HDAC9: variants seen among roughly 807,000 people sequenced by gnomAD.
The protein encoded by HDAC9 is histone deacetylase 9.
In HDAC9, 41 loss-of-function variants were observed where a neutral mutation model predicts 139.4. The ratio of observed to expected loss-of-function variants is 0.29; its 90% confidence interval spans 0.23 to 0.38. HDAC9 has a LOEUF of 0.38. Ranked by LOEUF, HDAC9 falls within the 10% of genes least tolerant of loss-of-function variation. The probability of loss-of-function intolerance (pLI) is 1.00; values close to 1 mark genes in which losing one functional copy is unlikely to be tolerated. For missense variants in HDAC9, 1,147 were observed against 1,297.0 expected, an observed-to-expected ratio of 0.88 and a Z score of 1.78; for synonymous variants, 517 against 476.2, an observed-to-expected ratio of 1.09 and a Z score of -1.12.
intron 17 of HDAC9, among the ~76,000 whole-genome samples, chr7:18,827,350 G>T (rs2129204579): frequency 6.6e-6 from 1 of 151,958 alleles, no homozygotes; most frequent in South Asian, 2.1e-4. Context: ...GCACCCTTAA[G>T]GCAGAAATTT....
At position 18,956,069 on chromosome 7, in the gene HDAC9, G is replaced by C. The variant is rs537434260; in HGVS notation, c.3022+1839G>C. 2.0e-5 allele frequency among the ~76,000 whole-genome samples: 3 copies of C among 152,124 alleles called. No individual in the cohort carries two copies. In the South Asian group the frequency reaches 6.2e-4, roughly 32 times the overall value. On this transcript the variant is annotated intron_variant, in intron 24 of 25. Coordinates refer to ENST00000686413, the MANE Select transcript of HDAC9 (RefSeq NM_178425.4). ...GACCTCTACAGTCTGCTCTAGCCAA[G>C]CAAACCTGTTTGACTCTTGAAAAAG...
chr7:18,824,590 T>C (rs1007233202), intron 17 of HDAC9, among the ~76,000 whole-genome samples: 6 of 152,186 alleles, frequency 3.9e-5, no homozygotes, highest in Non-Finnish European at 7.4e-5. Context: ...TTGGTAATTA[T>C]AGGGTCTAGG....
intron 2 of HDAC9, among the ~76,000 whole-genome samples, chr7:18,503,188 G>C (rs969363810): frequency 2.6e-5 from 4 of 152,222 alleles, no homozygotes; most frequent in African/African-American, 9.6e-5. Flanking sequence ...TCAAATGAGT[G>C]TTGGCTGTGC....
At chr7:18,871,866 G>C (rs1373043884) in intron 21 of HDAC9, among the ~76,000 whole-genome samples, 1 of 152,126 alleles carries the variant, frequency 6.6e-6, no homozygotes, top group East Asian at 1.9e-4. Context: ...TCAGAGAGGA[G>C]AACAAGAGTT....
At chr7:18,486,458 A>G (rs1795985262) in intron 1 of HDAC9, among the ~76,000 whole-genome samples, 2 of 152,114 alleles carry the variant, frequency 1.3e-5, no homozygotes, top group African/African-American at 4.8e-5. Context: ...CTCGATGACA[A>G]TGTAAGGTGG....
At chr7:18,416,569 T>A (rs929823694) in intron 1 of HDAC9, among the ~76,000 whole-genome samples, 1 of 152,178 alleles carries the variant, frequency 6.6e-6, no homozygotes, top group Non-Finnish European at 1.5e-5. Flanking sequence ...TGCCAAATAT[T>A]TAATGTCTAT....
chr7:18,767,043 C>T (rs903269416), intron 15 of HDAC9, 63 bp from the exon 16 acceptor site: 2 of 764,194 alleles, frequency 2.6e-6, no homozygotes, highest in Admixed American at 3.4e-5. Flanking sequence ...TAATAAATGC[C>T]AACATTTTAA....
rs189098722 is a variant in HDAC9, at chr7:18,490,358, G to A, written c.-41-5904G>A. Among the ~76,000 whole-genome samples, 1,273 of 151,972 alleles carry A rather than the reference G, an allele frequency of 8.4e-3. 17 individuals are homozygous for A. Among genetic ancestry groups the A allele is most frequent in the African/African-American group, 0.029 (1,209 of 41,446 alleles). ...TCCTCTAAAAATAGAATAAATCTTG[G>A]CTCAACACATCCCATTTGAAGGGAA... On this transcript the variant is annotated intron_variant, in intron 1 of 3. Coordinates refer to the HDAC9 transcript ENST00000413509.
At chr7:18,891,822 G>A (rs1800706242) in intron 22 of HDAC9, among the ~76,000 whole-genome samples, 1 of 152,108 alleles carries the variant, frequency 6.6e-6, no homozygotes, top group Non-Finnish European at 1.5e-5. Context: ...AGGACACATA[G>A]GACAGAGATA....
At chr7:18,655,641 A>G (rs911446983) in intron 11 of HDAC9, among the ~76,000 whole-genome samples, 2 of 152,212 alleles carry the variant, frequency 1.3e-5, no homozygotes, top group African/African-American at 4.8e-5. Context: ...TGGAAAAGAA[A>G]CAAAATGACC....
chr7:18,347,759 G>A (rs371120449), intron 1 of HDAC9, among the ~76,000 whole-genome samples: 1 of 151,612 alleles, frequency 6.6e-6, no homozygotes, highest in Non-Finnish European at 1.5e-5. Context: ...CACCACGCCC[G>A]GCTAATTTTT....
chr7:18,807,388 CAACT>C (rs990995416), intron 17 of HDAC9, among the ~76,000 whole-genome samples: 2 of 151,914 alleles, frequency 1.3e-5, no homozygotes, highest in African/African-American at 4.8e-5. Context: ...TGTCTGAAAC[CAACT>C]GTTTTGTTGA....
At chr7:18,454,987 A>G (rs1419440119) in intron 1 of HDAC9, among the ~76,000 whole-genome samples, 1 of 152,104 alleles carries the variant, frequency 6.6e-6, no homozygotes, top group Non-Finnish European at 1.5e-5. Context: ...GATTTCTAAT[A>G]AGGTGTCTCT....
At chr7:18,855,536 T>A (rs1300119195) in intron 21 of HDAC9, among the ~76,000 whole-genome samples, 1 of 152,084 alleles carries the variant, frequency 6.6e-6, no homozygotes, top group East Asian at 2.0e-4. Context: ...TGTTCACAGT[T>A]CATGGCACTG....
At chr7:18,949,160 G>T (rs1782611157) in intron 23 of HDAC9, 2 of 261,814 alleles carry the variant, frequency 7.6e-6, no homozygotes, top group Non-Finnish European at 1.5e-5. Flanking sequence ...TTTCAGTCTG[G>T]TTTGATTTTT....
intron 1 of HDAC9, among the ~76,000 whole-genome samples, chr7:18,130,168 C>T (rs529150764): frequency 1.1e-4 from 16 of 152,226 alleles, no homozygotes; most frequent in African/African-American, 3.6e-4. Context: ...AATCCAGAAT[C>T]CACAACCCAG....
At chr7:18,950,715 G>A (rs73307021) in intron 23 of HDAC9, among the ~76,000 whole-genome samples, 49,907 of 151,692 alleles carry the variant, frequency 0.33, 8,554 homozygotes, top group Middle Eastern at 0.45. Context: ...TTGCTCTAGT[G>A]GAGAATTTGA....
intron 12 of HDAC9, chr7:18,667,484 A>G (rs1795157800): frequency 7.1e-6 from 7 of 984,564 alleles, no homozygotes; most frequent in Non-Finnish European, 8.4e-6. Flanking sequence ...TTAACAAAAA[A>G]ATTTACTTGT....
chr7:18,847,340 CT>C (rs967824104), intron 21 of HDAC9, among the ~76,000 whole-genome samples: 12 of 151,978 alleles, frequency 7.9e-5, no homozygotes, highest in African/African-American at 2.7e-4. Flanking sequence ...TTGTTTGTGC[CT>C]TTTTTTCTTT....
Sources: gnomAD v4.1 joint callset for allele counts (sites outside exome capture counted in the v4.1 genomes callset) on GRCh38, gnomAD v4.1.1 for gene constraint, MANE v1.5 for transcripts, NCBI Gene and HGNC (gene_info 2026-07-23, HGNC 2026-07-21) for gene names.